The following RPL4 variants were observed in gnomAD, a reference collection of about 807,000 sequenced individuals.
RPL4 encodes the protein ribosomal protein L4.
A neutral mutation model predicts 47.7 loss-of-function variants in RPL4; 3 were observed. That is an observed-to-expected ratio of 0.06 (90% CI 0.03 to 0.16). The LOEUF is 0.16. Ranked by LOEUF, RPL4 falls within the 10% of genes least tolerant of loss-of-function variation. The pLI is 1.00. For missense variants in RPL4, 413 were observed against 551.3 expected, an observed-to-expected ratio of 0.75 and a Z score of 2.51; for synonymous variants, 208 against 182.1, an observed-to-expected ratio of 1.14 and a Z score of -1.15.
chr15:66,501,133 GC>G, intron 6 of RPL4, 28 bp from the exon 7 acceptor site: 4 of 1,607,218 alleles, frequency 2.5e-6, no homozygotes, highest in Non-Finnish European at 3.4e-6. Flanking sequence ...AAATTAGGGA[GC>G]CTGTATTCCA....
At chr15:66,500,407 A>G (rs375190154) in intron 7 of RPL4, 31 bp from the exon 8 acceptor site, 18 of 1,585,492 alleles carry the variant, frequency 1.1e-5, no homozygotes, top group Admixed American at 1.0e-4. Flanking sequence ...ATGTACATGT[A>G]AAAGTAATCA....
Position 66,498,086 on chromosome 15 carries a change from G to A in RPL4, c.*1321C>T, listed in dbSNP as rs763259198. On this transcript the variant is annotated 3_prime_UTR_variant, in exon 10 of 10. Transcript: ENST00000307961. Reference sequence around the variant, plus strand: ...TGGTCAAACACCGTTTCAAATGACCGGGTGAACAGCACTTCCAATGTGGTG... The same window carrying A: ...TGGTCAAACACCGTTTCAAATGACCAGGTGAACAGCACTTCCAATGTGGTG... 3.5e-6 allele frequency: 1 copy of A among 281,974 alleles called. No homozygotes were observed. Among genetic ancestry groups the A allele is most frequent in the African/African-American group, 2.2e-5 (1 of 46,102 alleles). The allele number at this position is 281,974 out of a possible 1,614,324, so 17.5% of individuals were successfully genotyped here.
At chr15:66,501,554 T>C (rs780050339) in intron 5 of RPL4, 50 bp from the exon 6 acceptor site, 30 of 1,605,848 alleles carry the variant, frequency 1.9e-5, no homozygotes, top group South Asian at 6.6e-5. Flanking sequence ...ATCTCTGCAA[T>C]AGATCTTCAG....
At chr15:66,500,512 G>A (rs1441372667) in intron 7 of RPL4, 136 bp from the exon 8 acceptor site, 2 of 775,008 alleles carry the variant, frequency 2.6e-6, no homozygotes, top group African/African-American at 3.5e-5. Context: ...ACATGGACCA[G>A]GCCGGGTGTG....
At chr15:66,503,849 C>T (rs184694543) in intron 1 of RPL4, among the ~76,000 whole-genome samples, 17 of 152,308 alleles carry the variant, frequency 1.1e-4, no homozygotes, top group Admixed American at 2.6e-4. Context: ...CCTGTCTACC[C>T]GGGCTCTACT....
Position 66,503,390 on chromosome 15 carries a change from T to C in RPL4, c.143A>G (p.Asn48Ser). Residue 48 changes from asparagine (N) to serine (S), a missense_variant, in exon 2 of 10, where the codon AAC (asparagine) becomes AGC (serine). Around this residue, in one of 4 missense-constraint regions of RPL4, gnomAD observed 56 missense variants for 70.6 expected, o/e 0.79. Transcript: ENST00000307961. ...TTCACTGACAGCATAGGGCTGTCTG[T>C]TGTTTTTGCGCAAGTTGGTGTGAAC... ...NFVHTNLRKN[N>S]RQPYAVSELA... The C allele has an allele frequency of 1.2e-6, 2 of 1,609,812 alleles. No homozygotes were observed. The highest frequency in any genetic ancestry group is 1.7e-6 in the Non-Finnish European group (2 of 1,176,268).
Position 66,500,274 on chromosome 15 carries a change from A to G in RPL4, c.917+19T>C. 1 of 1,613,860 alleles carries G rather than the reference A, an allele frequency of 6.2e-7. No individual in the cohort carries two copies. The highest frequency in any genetic ancestry group is 1.1e-5 in the South Asian group (1 of 91,048). ...AGTATAGGGTTGGGGCGAGAATTAC[A>G]CTCTAAGTATCACTTTACCGTGGTG... is the stretch of plus-strand genomic sequence containing the variant. On this transcript the variant is annotated intron_variant, in intron 8 of 9. Coordinates refer to ENST00000307961, the MANE Select transcript of RPL4 (RefSeq NM_000968.4).
intron 5 of RPL4, 28 bp from the exon 6 acceptor site, chr15:66,501,532 G>A: frequency 1.2e-6 from 2 of 1,612,638 alleles, no homozygotes; most frequent in Non-Finnish European, 1.7e-6. Flanking sequence ...TTAGTATTCT[G>A]ATTAAGATAG....
rs1347930019 is a variant in RPL4, at chr15:66,499,193, G to A, written c.*214C>T. Reference sequence around the variant, plus strand: ...TCATTCCCCTTCCACTGAACTCCATGGACTTAGTATAAATCCATGCCCCAT... The same window carrying A: ...TCATTCCCCTTCCACTGAACTCCATAGACTTAGTATAAATCCATGCCCCAT... On this transcript the variant is annotated 3_prime_UTR_variant, in exon 10 of 10. Transcript: ENST00000307961. 1 of 528,748 alleles carries A rather than the reference G, an allele frequency of 1.9e-6. No individual in the cohort carries two copies. The highest frequency in any genetic ancestry group is 2.7e-5 in the South Asian group (1 of 37,096). 32.8% of individuals were successfully genotyped at this position (528,748 alleles called of 1,614,324 possible).
intron 3 of RPL4, 64 bp from the exon 4 acceptor site, chr15:66,502,814 C>G (rs1350442446): frequency 6.2e-6 from 10 of 1,611,992 alleles, no homozygotes; most frequent in Non-Finnish European, 6.8e-6. Context: ...TTATTTCTTG[C>G]TCAGTAAGAA....
Position 66,500,462 on chromosome 15 carries a change from A to G in RPL4, c.834-86T>C, listed in dbSNP as rs1893587719. On this transcript the variant is annotated intron_variant, in intron 7 of 9. Transcript: ENST00000307961. ...AACTGAAGCTTTATTTTTAGCCACT[A>G]TGCTCTCCAAAATATCTACTACACT... is the stretch of plus-strand genomic sequence containing the variant. 7.8e-6 allele frequency: 9 copies of G among 1,151,772 alleles called. No individual in the cohort carries two copies. In the South Asian group the frequency reaches 1.0e-4, roughly 13 times the overall value. 71.3% of individuals were successfully genotyped at this position (1,151,772 alleles called of 1,614,324 possible). A position where few individuals can be genotyped will look rare whatever the true frequency, so the allele number is the denominator to read the frequency against.
chr15:66,501,732 A>G (rs774409268), intron 5 of RPL4, 56 bp downstream of exon 5: 199 of 1,591,080 alleles, frequency 1.3e-4, no homozygotes, highest in Non-Finnish European at 1.7e-4. Context: ...CTGAAATTCA[A>G]AGTGACAAAC....
At chr15:66,502,073 T>G (rs753625424) in intron 4 of RPL4, 161 bp from the exon 5 acceptor site, 2 of 935,584 alleles carry the variant, frequency 2.1e-6, no homozygotes, top group Non-Finnish European at 3.5e-6. Context: ...ACCAATTAAG[T>G]GGAATCTCAT....
In RPL4 at chr15:66,503,507, G is replaced by A. The variant is rs1266572145; in HGVS notation, c.26C>T (p.Ser9Leu). Reference protein sequence around the residue: MACARPLISVYSEKGESSG... With the variant: MACARPLILVYSEKGESSG... ...TGACTCCCCCTTTTCGGAGTACACC[G>A]ATATCAGTGGGCGAGCACACGCCTA... Residue 9 changes from serine to leucine, a missense_variant, in exon 2 of 10, where the codon TCG becomes TTG. By Grantham distance (145) the Ser-to-Leu change is moderately radical (BLOSUM62 -2). Coordinates refer to ENST00000307961, the MANE Select transcript of RPL4 (RefSeq NM_000968.4). The A allele has an allele frequency of 7.5e-6, 12 of 1,605,608 alleles. No individual in the cohort carries two copies. Among genetic ancestry groups the A allele is most frequent in the African/African-American group, 1.3e-5 (1 of 74,916 alleles).
chr15:66,502,176 A>G, intron 4 of RPL4: 1 of 571,070 alleles, frequency 1.8e-6, no homozygotes, highest in African/African-American at 1.8e-5. Flanking sequence ...CTACTTGAAT[A>G]GTTCCCCAGT....
At position 66,503,509 on chromosome 15, in the gene RPL4, T is replaced by C; in HGVS notation, c.24A>G (p.Ile8Met). The change falls in exon 2 of 10, where the codon ATA (isoleucine) becomes ATG (methionine). Residue 8 changes from isoleucine to methionine, a missense_variant. Transcript: ENST00000307961. ...ACTCCCCCTTTTCGGAGTACACCGA[T>C]ATCAGTGGGCGAGCACACGCCTAAA... MACARPL[I>M]SVYSEKGESS... 1 of 1,605,630 alleles carries C rather than the reference T, an allele frequency of 6.2e-7. No homozygotes were observed. Among genetic ancestry groups the C allele is most frequent in the Non-Finnish European group, 8.5e-7 (1 of 1,173,270 alleles).
rs1475301766 is a variant in RPL4, at chr15:66,498,787, TTCA to T, written c.*617_*619del. On this transcript the variant is annotated 3_prime_UTR_variant, in exon 10 of 10. Coordinates refer to ENST00000307961, the MANE Select transcript of RPL4 (RefSeq NM_000968.4). ...TTTATATTTTCAGTAGAGACGAGATTTCATCATGTTGACCAGGCTGGTCTTGAA... is the reference window on the plus strand; with the variant it reads ...TTTATATTTTCAGTAGAGACGAGATTTCATGTTGACCAGGCTGGTCTTGAA... The T allele has an allele frequency of 1.3e-5, 2 of 152,402 alleles. No homozygotes were observed. Among genetic ancestry groups the T allele is most frequent in the Non-Finnish European group, 2.9e-5 (2 of 68,224 alleles). 9.4% of individuals were successfully genotyped at this position (152,402 alleles called of 1,614,324 possible).
In RPL4 at chr15:66,499,581, C is replaced by G. The variant is rs777386007; in HGVS notation, c.1110G>C (p.Ala370=). 1.9e-6 allele frequency: 3 copies of G among 1,613,928 alleles called. No individual in the cohort carries two copies. Among genetic ancestry groups the G allele is most frequent in the Non-Finnish European group, 2.5e-6 (3 of 1,179,870 alleles). Residue 370 remains alanine (A), a synonymous_variant, in exon 10 of 10, where the codon GCG becomes GCC. Coordinates refer to ENST00000307961, the MANE Select transcript of RPL4 (RefSeq NM_000968.4). ...CTACCACAGGCTTCTTGCCTGCAAC[C>G]GCCGCCTTCTCATCTGATTTGGCTT... The part of the protein sequence containing the change: ...ALQAKSDEKA[A]VAGKKPVVGK...
Position 66,499,286 on chromosome 15 carries a change from T to A in RPL4, c.*121A>T. On this transcript the variant is annotated 3_prime_UTR_variant, in exon 10 of 10. Transcript: ENST00000307961. ...CAACAAAATGTCACTTTAAAAAAATTCTAACCAAGCTTTACAGAGCACACC... is the reference window on the plus strand; with the variant it reads ...CAACAAAATGTCACTTTAAAAAAATACTAACCAAGCTTTACAGAGCACACC... 7.7e-7 allele frequency: 1 copy of A among 1,304,666 alleles called. No individual in the cohort carries two copies. Among genetic ancestry groups the A allele is most frequent in the Admixed American group, 2.3e-5 (1 of 43,800 alleles). The allele number at this position is 1,304,666 out of a possible 1,614,324, so 80.8% of individuals were successfully genotyped here.
Sources: allele counts gnomAD v4.1 joint callset (sites outside exome capture counted in the v4.1 genomes callset), GRCh38; gene constraint gnomAD v4.1.1; regional missense constraint gnomAD v4.1.1; transcripts MANE v1.5; gene names NCBI Gene and HGNC (gene_info 2026-07-23, HGNC 2026-07-21).